The following RANBP2 variants were observed in gnomAD, a reference collection of about 807,000 sequenced individuals.
The protein encoded by RANBP2 is E3 SUMO-protein ligase RanBP2.
In RANBP2, 57 loss-of-function variants were observed where a neutral mutation model predicts 303.6. The observed-to-expected ratio is 0.19, with a 90% CI of 0.15 to 0.23. The LOEUF is 0.23. Among genes scored for constraint, RANBP2 ranks in the 10% least tolerant of loss-of-function variants. The probability of loss-of-function intolerance (pLI) is 1.00; values close to 1 mark genes in which losing one functional copy is unlikely to be tolerated. For synonymous variants in RANBP2, 1,167 were observed against 1,301.5 expected (o/e 0.90, Z 2.23); for missense variants, 3,138 against 3,780.8 (o/e 0.83, Z 4.46).
At chr2:109,070,475 G>T in the RANBP2 span, among the ~76,000 whole-genome samples, 4 of 152,072 alleles carry the variant, frequency 2.6e-5, no homozygotes, top group African/African-American at 9.7e-5. Flanking sequence ...TGATTGGGTC[G>T]TGGAGCAGAT....
the RANBP2 span, among the ~76,000 whole-genome samples, chr2:109,240,088 T>C: frequency 6.6e-6 from 1 of 152,194 alleles, no homozygotes; most frequent in Non-Finnish European, 1.5e-5. Context: ...TGAAGGCTGT[T>C]GTATTGCATA....
Position 108,751,673 on chromosome 2 carries a change from C to A in RANBP2, c.1601C>A (p.Ala534Glu). Residue 534 changes from alanine to glutamate, a missense_variant, in exon 11 of 29, where the codon GCG (alanine) becomes GAG (glutamate). By Grantham distance (107) the Ala-to-Glu change is moderately radical (BLOSUM62 -1). Transcript: ENST00000283195. ...GAAAGACAAAAATCTTGGTGGGATG[C>A]GGTTTGTACTCTGATTCACAGAAAA... is the stretch of plus-strand genomic sequence containing the variant. ...CTERQKSWWD[A>E]VCTLIHRKAV... is the part of the protein sequence containing the mutation. 1 of 1,611,086 alleles carries A rather than the reference C, an allele frequency of 6.2e-7. No homozygotes were observed. The highest frequency in any genetic ancestry group is 8.5e-7 in the Non-Finnish European group (1 of 1,179,446).
At chr2:109,037,941 A>G in the RANBP2 span, among the ~76,000 whole-genome samples, 2 of 152,242 alleles carry the variant, frequency 1.3e-5, no homozygotes, top group Non-Finnish European at 2.9e-5. Flanking sequence ...TTGTAGACAT[A>G]GACAATCTTA....
the RANBP2 span, among the ~76,000 whole-genome samples, chr2:109,369,191 A>T: frequency 6.6e-6 from 1 of 151,806 alleles, no homozygotes; most frequent in African/African-American, 2.4e-5. Flanking sequence ...TAAAAAAAAA[A>T]AAAAAAATTA....
the RANBP2 span, among the ~76,000 whole-genome samples, chr2:108,946,314 A>G: frequency 6.6e-6 from 1 of 152,220 alleles, no homozygotes; most frequent in Non-Finnish European, 1.5e-5. Flanking sequence ...AGCACCTGGG[A>G]CAACACATAT....
At chr2:109,009,811 C>T in the RANBP2 span, among the ~76,000 whole-genome samples, 1 of 151,108 alleles carries the variant, frequency 6.6e-6, no homozygotes, top group Non-Finnish European at 1.5e-5. Context: ...CCTCCCAAGG[C>T]ATGAGCTACC....
At chr2:108,989,612 A>G in the RANBP2 span, among the ~76,000 whole-genome samples, 6 of 151,996 alleles carry the variant, frequency 3.9e-5, no homozygotes, top group African/African-American at 1.4e-4. Flanking sequence ...TCCCCCGCAC[A>G]TCCCTCAGGG....
the RANBP2 span, among the ~76,000 whole-genome samples, chr2:108,852,979 T>C: frequency 6.6e-6 from 1 of 152,218 alleles, no homozygotes; most frequent in Admixed American, 6.5e-5. Context: ...ATTTTGTTTG[T>C]ATCAAAGTTA....
the RANBP2 span, among the ~76,000 whole-genome samples, chr2:109,500,955 A>C: frequency 1.3e-5 from 2 of 152,196 alleles, no homozygotes; most frequent in South Asian, 4.1e-4. Flanking sequence ...GTCTCAAAAA[A>C]ATAAGGACAA....
chr2:109,735,296 T>TAA, the RANBP2 span, among the ~76,000 whole-genome samples: 2 of 152,216 alleles, frequency 1.3e-5, no homozygotes, highest in Non-Finnish European at 2.9e-5. Flanking sequence ...TCAGTTAACA[T>TAA]AAAATCCTCT....
the RANBP2 span, among the ~76,000 whole-genome samples, chr2:108,926,413 A>G: frequency 6.6e-6 from 1 of 152,194 alleles, no homozygotes; most frequent in Admixed American, 6.5e-5. Context: ...CTCTCAGTCA[A>G]TAGGTGTACA....
chr2:108,912,726 C>T, the RANBP2 span: 12 of 1,602,902 alleles, frequency 7.5e-6, no homozygotes, highest in Non-Finnish European at 1.0e-5. Context: ...CCCGAGGTGC[C>T]AGGGAAGTTG....
At chr2:108,986,935 G>T in the RANBP2 span, among the ~76,000 whole-genome samples, 2 of 152,168 alleles carry the variant, frequency 1.3e-5, no homozygotes, top group African/African-American at 2.4e-5. Context: ...GTTAATTAAT[G>T]ATACTATTGG....
At chr2:109,006,568 T>TG in the RANBP2 span, among the ~76,000 whole-genome samples, 1 of 152,186 alleles carries the variant, frequency 6.6e-6, no homozygotes, top group African/African-American at 2.4e-5. Flanking sequence ...AAAATACACT[T>TG]GCGAGTCGTG....
chr2:109,275,411 G>A, the RANBP2 span, among the ~76,000 whole-genome samples: 11 of 152,184 alleles, frequency 7.2e-5, 1 homozygote, highest in African/African-American at 1.7e-4. Flanking sequence ...GGAGGGTTCC[G>A]TGACCCTCCA....
chr2:109,233,175 C>G, the RANBP2 span, among the ~76,000 whole-genome samples: 2 of 152,186 alleles, frequency 1.3e-5, no homozygotes, highest in Non-Finnish European at 2.9e-5. Flanking sequence ...AGTGGACAGT[C>G]AGGGTGACAG....
chr2:109,732,379 C>T, the RANBP2 span, among the ~76,000 whole-genome samples: 6 of 152,050 alleles, frequency 3.9e-5, no homozygotes, highest in Admixed American at 2.6e-4. Context: ...CCTGGGAATG[C>T]GCACAAGCCT....
the RANBP2 span, among the ~76,000 whole-genome samples, chr2:109,111,412 T>C: frequency 2.6e-5 from 4 of 152,148 alleles, no homozygotes; most frequent in Non-Finnish European, 4.4e-5. Context: ...ATCAAGCTTA[T>C]GGGTAAAACT....
At chr2:108,832,369 CAG>C in the RANBP2 span, among the ~76,000 whole-genome samples, 3 of 120,980 alleles carry the variant, frequency 2.5e-5, no homozygotes, top group African/African-American at 6.4e-5. Flanking sequence ...TTTTTTGAGA[CAG>C]AGTTTCACTC....
Sources: allele counts gnomAD v4.1 joint callset (sites outside exome capture counted in the v4.1 genomes callset), GRCh38; gene constraint gnomAD v4.1.1; transcripts MANE v1.5; gene names NCBI Gene and HGNC (gene_info 2026-07-23, HGNC 2026-07-21).